The following PLS1 variants were observed in gnomAD, a reference collection of about 807,000 sequenced individuals.
PLS1 encodes the protein plastin 1.
PLS1 carries 32 observed loss-of-function variants against 73.7 expected under a neutral mutation model. The observed-to-expected ratio is 0.43, with a 90% CI of 0.33 to 0.58. The LOEUF is 0.58. PLS1 is among the 20% of genes least tolerant of loss of function. The pLI is 0.04. For missense variants in PLS1, 633 were observed against 740.5 expected, an observed-to-expected ratio of 0.85 and a Z score of 1.68; for synonymous variants, 217 against 261.3, an observed-to-expected ratio of 0.83 and a Z score of 1.63.
At chr3:142,600,914 A>ATTTTTT (rs1560024568) in intron 1 of PLS1, among the ~76,000 whole-genome samples, 36 of 19,016 alleles carry the variant, frequency 1.9e-3, no homozygotes, top group Non-Finnish European at 2.3e-3. Flanking sequence ...ATATATATAT[A>ATTTTTT]TATTTTTTTT....
chr3:142,691,089 A>G (rs200932380), intron 10 of PLS1, among the ~76,000 whole-genome samples: 1 of 152,150 alleles, frequency 6.6e-6, no homozygotes, highest in Non-Finnish European at 1.5e-5. Context: ...AGAATGAGAA[A>G]TCAATTTCAT....
Position 142,703,943 on chromosome 3 carries a change from G to T in PLS1, c.1447G>T (p.Asp483Tyr). ...KFSLVGIAGQ[D>Y]LNEGNSTLTL... ...CTCCTTGGTTGGCATTGCTGGGCAG[G>T]ACCTAAATGAAGGGAATTCAACACT... Residue 483 changes from aspartate (D) to tyrosine (Y), a missense_variant, in exon 13 of 16, where the codon GAC becomes TAC. Coordinates refer to ENST00000457734, the MANE Select transcript of PLS1 (RefSeq NM_001145319.2). The T allele has an allele frequency of 6.2e-7, 1 of 1,613,720 alleles. No homozygotes were observed. The highest frequency in any genetic ancestry group is 8.5e-7 in the Non-Finnish European group (1 of 1,179,650).
At chr3:142,601,919 C>T (rs1419303149) in intron 1 of PLS1, among the ~76,000 whole-genome samples, 2 of 152,054 alleles carry the variant, frequency 1.3e-5, no homozygotes, top group Non-Finnish European at 2.9e-5. Context: ...GATTTGACCC[C>T]AGGCCTATCT....
chr3:142,673,104 C>T (rs1396592317), intron 4 of PLS1, among the ~76,000 whole-genome samples: 1 of 152,170 alleles, frequency 6.6e-6, no homozygotes, highest in Non-Finnish European at 1.5e-5. Context: ...ATACTTCATT[C>T]CTTTTTTTCT....
chr3:142,608,469 C>T (rs147663079), intron 1 of PLS1, among the ~76,000 whole-genome samples: 1,830 of 152,306 alleles, frequency 0.012, 29 homozygotes, highest in Non-Finnish European at 0.014. Flanking sequence ...CCACCTACAT[C>T]AATCCCAGTA....
At chr3:142,653,070 G>C (rs895196135) in intron 1 of PLS1, among the ~76,000 whole-genome samples, 6 of 152,116 alleles carry the variant, frequency 3.9e-5, no homozygotes, top group Non-Finnish European at 8.8e-5. Flanking sequence ...CTGAGTCATT[G>C]CATGTTTTTA....
chr3:142,677,581 T>C (rs1259902818), intron 5 of PLS1, among the ~76,000 whole-genome samples: 2 of 151,828 alleles, frequency 1.3e-5, no homozygotes, highest in African/African-American at 4.8e-5. Context: ...GAGGTGGAGG[T>C]TGCAGTGAGC....
intron 1 of PLS1, among the ~76,000 whole-genome samples, chr3:142,632,241 T>A (rs2036580935): frequency 6.6e-6 from 1 of 152,108 alleles, no homozygotes; most frequent in Non-Finnish European, 1.5e-5. Flanking sequence ...TATATACAAA[T>A]AACCCCATCA....
chr3:142,642,085 T>G (rs2036855102), intron 1 of PLS1, among the ~76,000 whole-genome samples: 1 of 152,154 alleles, frequency 6.6e-6, no homozygotes, highest in Non-Finnish European at 1.5e-5. Flanking sequence ...TGAAAATATT[T>G]AAAGATTTGT....
rs558358116 is a variant in PLS1 at position 142,704,102 on chromosome 3, A to G, written c.1505+101A>G. On this transcript the variant is annotated intron_variant, in intron 13 of 15. Transcript: ENST00000457734. Reference sequence around the variant, plus strand: ...TTGAACAATAATGAACACAGAAGAAATATACAATGCAAAATATTTTAATTT... The same window carrying G: ...TTGAACAATAATGAACACAGAAGAAGTATACAATGCAAAATATTTTAATTT... The G allele has an allele frequency of 4.3e-5, 38 of 876,850 alleles. 1 individual carries two copies. The South Asian group carries it at 7.0e-4, about 16-fold the overall frequency. The allele number at this position is 876,850 out of a possible 1,614,324, so 54.3% of individuals were successfully genotyped here.
chr3:142,705,365 A>G (rs1446030737), intron 14 of PLS1, among the ~76,000 whole-genome samples: 2 of 152,192 alleles, frequency 1.3e-5, no homozygotes, highest in African/African-American at 2.4e-5. Context: ...GAAAAAAAAA[A>G]TCTTGTCATC....
Position 142,704,526 on chromosome 3 carries a change from T to G in PLS1, c.1569T>G (p.Ile523Met), listed in dbSNP as rs1228084253. 1 of 1,596,776 alleles carries G rather than the reference T, an allele frequency of 6.3e-7. No individual in the cohort carries two copies. ...AAAAAGTAAATGATGAAATTATAAT[T>G]AAATGGGTCAATCAGACTCTTAAAA... ...EGEKVNDEII[I>M]KWVNQTLKSA... Residue 523 changes from isoleucine to methionine, a missense_variant, in exon 14 of 16, where the codon ATT becomes ATG. Ile to Met is a conservative substitution (Grantham distance 10, BLOSUM62 1). Transcript: ENST00000457734.
chr3:142,660,578 G>A lies in PLS1; in HGVS notation c.-36-3624G>A, dbSNP rs192698288. ...ACCACCTCTGCCCAGCATGGTGAGA[G>A]TATCATACCGCTCTCTGCTGACTGT... is the stretch of plus-strand genomic sequence containing the variant. On this transcript the variant is annotated intron_variant, in intron 1 of 15. Transcript: ENST00000457734. Among the ~76,000 whole-genome samples the A allele has an allele frequency of 2.0e-3, 311 of 152,264 alleles. 1 individual carries two copies. Among genetic ancestry groups the A allele is most frequent in the Non-Finnish European group, 2.7e-3 (186 of 68,012 alleles).
At chr3:142,642,565 A>G (rs929975405) in intron 1 of PLS1, among the ~76,000 whole-genome samples, 9 of 152,152 alleles carry the variant, frequency 5.9e-5, no homozygotes, top group African/African-American at 2.2e-4. Context: ...TCACCCCATC[A>G]GTGTGGTCTG....
At chr3:142,609,107 A>G (rs947031214) in intron 1 of PLS1, among the ~76,000 whole-genome samples, 3 of 152,194 alleles carry the variant, frequency 2.0e-5, no homozygotes, top group Non-Finnish European at 4.4e-5. Context: ...GGTTTGGAAA[A>G]TTTCCCTGCT....
chr3:142,644,020 AT>A (rs1304162680), intron 1 of PLS1, among the ~76,000 whole-genome samples: 5 of 151,630 alleles, frequency 3.3e-5, no homozygotes, highest in East Asian at 3.9e-4. Flanking sequence ...TAGAGATGGG[AT>A]TTCACCATGT....
chr3:142,599,413 T>C (rs984227737), intron 1 of PLS1, among the ~76,000 whole-genome samples: 1 of 145,464 alleles, frequency 6.9e-6, no homozygotes, highest in African/African-American at 2.6e-5. Flanking sequence ...CACTGCAAGC[T>C]CCGCTTCCCA....
At chr3:142,615,426 G>T (rs780226605) in intron 1 of PLS1, among the ~76,000 whole-genome samples, 3 of 152,080 alleles carry the variant, frequency 2.0e-5, no homozygotes, top group Non-Finnish European at 4.4e-5. Context: ...TTATATTCCC[G>T]ATCATTCCAC....
chr3:142,636,994 A>G (rs1198021969), intron 1 of PLS1, among the ~76,000 whole-genome samples: 2 of 152,198 alleles, frequency 1.3e-5, no homozygotes, highest in Non-Finnish European at 2.9e-5. Context: ...TATTTTGGAA[A>G]GTAACTTGAT....
Sources: gnomAD v4.1 joint callset for allele counts (sites outside exome capture counted in the v4.1 genomes callset) on GRCh38, gnomAD v4.1.1 for gene constraint, MANE v1.5 for transcripts, NCBI Gene and HGNC (gene_info 2026-07-23, HGNC 2026-07-21) for gene names.